NUMB: variants seen among roughly 807,000 people sequenced by gnomAD.
NUMB encodes NUMB endocytic adaptor protein.
NUMB carries 29 observed loss-of-function variants against 59.7 expected under a neutral mutation model. The ratio of observed to expected loss-of-function variants is 0.49; its 90% confidence interval spans 0.36 to 0.66. NUMB has a LOEUF of 0.66. Ranked by LOEUF, NUMB falls within the 30% of genes least tolerant of loss-of-function variation. The pLI is 0.00. For synonymous variants in NUMB, 288 were observed against 288.2 expected (o/e 1.00, Z 0.01); for missense variants, 723 against 822.0 (o/e 0.88, Z 1.47).
intron 8 of NUMB, among the ~76,000 whole-genome samples, chr14:73,291,598 G>A (rs1437730125): frequency 6.6e-6 from 1 of 150,816 alleles, no homozygotes; most frequent in Non-Finnish European, 1.5e-5. Flanking sequence ...GACTGGTCTT[G>A]AACTCTTGAC....
chr14:73,421,868 G>A (rs777493645), intron 1 of NUMB, among the ~76,000 whole-genome samples: 2 of 152,148 alleles, frequency 1.3e-5, no homozygotes, highest in African/African-American at 2.4e-5. Flanking sequence ...GCCGGGTACC[G>A]TGGCTCACAC....
At position 73,451,172 on chromosome 14, in the gene NUMB, AAAC is replaced by A. The variant is rs1431373015; in HGVS notation, c.-233+7318_-233+7320del. On this transcript the variant is annotated intron_variant, in intron 1 of 12. Transcript: ENST00000555238. ...CTGTCTCAAAAAAAAAAAAAAAAAA[AAAC>A]AAAAAACAAATCTACACTTCGGGAG... Among the ~76,000 whole-genome samples, 19 of 119,190 alleles carry A rather than the reference AAAC, an allele frequency of 1.6e-4. 1 individual carries two copies. Among genetic ancestry groups the A allele is most frequent in the African/African-American group, 4.6e-4 (14 of 30,328 alleles). The allele number at this position is 119,190 out of a possible 152,430, so 78.2% of individuals were successfully genotyped here.
intron 4 of NUMB, among the ~76,000 whole-genome samples, chr14:73,329,029 C>T (rs1314033967): frequency 2.0e-5 from 3 of 151,982 alleles, no homozygotes; most frequent in Non-Finnish European, 4.4e-5. Context: ...CCACCACACC[C>T]GGCTAATTTT....
intron 8 of NUMB, among the ~76,000 whole-genome samples, chr14:73,291,086 GTTT>G (rs914196611): frequency 7.0e-6 from 1 of 142,060 alleles, no homozygotes; most frequent in African/African-American, 2.6e-5. Flanking sequence ...TTTGTTTTTT[GTTT>G]TTTTTTTTTG....
At position 73,410,084 on chromosome 14, in the gene NUMB, A is replaced by T. The variant is rs1383730958; in HGVS notation, c.-232-16T>A. On this transcript the variant is annotated splice_polypyrimidine_tract_variant and intron_variant, in intron 1 of 12. Coordinates refer to ENST00000555238, the MANE Select transcript of NUMB (RefSeq NM_001005743.2). ...AGCCTCAAATCTGAAATTTTCAAGG[A>T]AAGAAAATCTTAAATATACATATCT... The T allele has an allele frequency of 6.6e-6, 1 of 152,254 alleles. No homozygotes were observed. Among genetic ancestry groups the T allele is most frequent in the African/African-American group, 2.4e-5 (1 of 41,472 alleles). The allele number at this position is 152,254 out of a possible 1,614,324, so 9.4% of individuals were successfully genotyped here. A position where few individuals can be genotyped will look rare whatever the true frequency, so the allele number is the denominator to read the frequency against.
At chr14:73,372,331 AT>A (rs1894736379) in intron 2 of NUMB, among the ~76,000 whole-genome samples, 7 of 98,218 alleles carry the variant, frequency 7.1e-5, no homozygotes, top group African/African-American at 2.2e-4. Flanking sequence ...ATATATATAT[AT>A]ATATAACCTT....
chr14:73,315,443 C>T (rs991092382), intron 6 of NUMB, among the ~76,000 whole-genome samples: 17 of 152,060 alleles, frequency 1.1e-4, no homozygotes, highest in African/African-American at 4.1e-4. Flanking sequence ...GATATGTGTA[C>T]AGCCACCCCA....
intron 8 of NUMB, among the ~76,000 whole-genome samples, chr14:73,289,825 C>T (rs1177313110): frequency 3.3e-5 from 5 of 152,152 alleles, no homozygotes; most frequent in African/African-American, 9.7e-5. Context: ...AATGTGTTTG[C>T]ATTTGAACGC....
intron 4 of NUMB, among the ~76,000 whole-genome samples, chr14:73,344,372 A>C (rs1892799377): frequency 6.6e-6 from 1 of 152,244 alleles, no homozygotes; most frequent in Admixed American, 6.5e-5. Context: ...CTATGGCTAC[A>C]TGGCTACACA....
intron 5 of NUMB, among the ~76,000 whole-genome samples, chr14:73,321,824 T>C (rs548682784): frequency 2.0e-5 from 3 of 152,344 alleles, no homozygotes; most frequent in East Asian, 3.9e-4. Flanking sequence ...TGTATGTATA[T>C]ATGTGTAGGT....
At chr14:73,403,961 C>T (rs777853071) in intron 2 of NUMB, among the ~76,000 whole-genome samples, 5 of 151,822 alleles carry the variant, frequency 3.3e-5, no homozygotes, top group African/African-American at 7.3e-5. Context: ...GGCATGGTGG[C>T]GCGGCCCTGT....
chr14:73,278,829 G>A (rs748912123), intron 12 of NUMB, among the ~76,000 whole-genome samples: 1 of 142,846 alleles, frequency 7.0e-6, no homozygotes, highest in Non-Finnish European at 1.5e-5. Flanking sequence ...CCAGGTTCAA[G>A]CGATTCTCCT....
intron 1 of NUMB, among the ~76,000 whole-genome samples, chr14:73,431,516 G>A (rs1173981244): frequency 1.3e-5 from 2 of 151,662 alleles, no homozygotes; most frequent in African/African-American, 4.8e-5. Flanking sequence ...GGAGGCCGAG[G>A]AAGGTGGATC....
At chr14:73,390,668 T>C (rs1895802816) in intron 2 of NUMB, among the ~76,000 whole-genome samples, 2 of 121,224 alleles carry the variant, frequency 1.6e-5, no homozygotes. Context: ...TTTTTTTTTT[T>C]TGAGACAGTC....
chr14:73,350,548 T>A (rs1470011368), intron 4 of NUMB, among the ~76,000 whole-genome samples: 4 of 151,698 alleles, frequency 2.6e-5, no homozygotes, highest in Non-Finnish European at 5.9e-5. Flanking sequence ...TTTACCTACT[T>A]TTTTTTCTTT....
Position 73,429,731 on chromosome 14 carries a change from C to T in NUMB, c.-232-19663G>A, listed in dbSNP as rs554859582. On this transcript the variant is annotated intron_variant, in intron 1 of 12. Coordinates refer to ENST00000555238, the MANE Select transcript of NUMB (RefSeq NM_001005743.2). ...GCTGAGGCAGGCAGATCACTTGAGG[C>T]CAGGAGTTTCAGACCAGCCTGGCCA... 8.5e-5 allele frequency among the ~76,000 whole-genome samples: 13 copies of T among 152,048 alleles called. No individual in the cohort carries two copies. In the East Asian group the frequency reaches 1.9e-3, roughly 23 times the overall value.
intron 4 of NUMB, among the ~76,000 whole-genome samples, chr14:73,352,509 T>TGG (rs1594939636): frequency 5.7e-5 from 1 of 17,676 alleles, no homozygotes; most frequent in African/African-American, 4.7e-4. Context: ...TATATATATA[T>TGG]ATATATATAT....
At chr14:73,445,532 A>T (rs28469716) in intron 1 of NUMB, among the ~76,000 whole-genome samples, 4,185 of 152,214 alleles carry the variant, frequency 0.027, 85 homozygotes, top group Middle Eastern at 0.078. Context: ...TTCATAGTAC[A>T]ATTTAATATA....
In NUMB at chr14:73,276,892, C is replaced by T. The variant is rs1156744390; in HGVS notation, c.1642G>A (p.Ala548Thr). ...VFGTAGHPQA[A>T]HPHQSPSLVR... ...AGGCTGGGTGACTGATGGGGATGGGCAGCCTGAGGGTGGCCTGCAGTGCCA... is the reference window on the plus strand; with the variant it reads ...AGGCTGGGTGACTGATGGGGATGGGTAGCCTGAGGGTGGCCTGCAGTGCCA... Residue 548 changes from alanine to threonine, a missense_variant, in exon 13 of 13, where the codon GCC (alanine) becomes ACC (threonine). Around this residue, in one of 2 missense-constraint regions of NUMB, gnomAD observed 406 missense variants for 385.4 expected, o/e 1.05. Coordinates refer to ENST00000555238, the MANE Select transcript of NUMB (RefSeq NM_001005743.2). 1.2e-6 allele frequency: 2 copies of T among 1,613,836 alleles called. No homozygotes were observed. Among genetic ancestry groups the T allele is most frequent in the Admixed American group, 1.7e-5 (1 of 59,994 alleles).
Sources: gnomAD v4.1 joint callset for allele counts (sites outside exome capture counted in the v4.1 genomes callset) on GRCh38, gnomAD v4.1.1 for gene constraint, gnomAD v4.1.1 regional missense constraint, MANE v1.5 for transcripts, NCBI Gene and HGNC (gene_info 2026-07-23, HGNC 2026-07-21) for gene names.